FGF14: variants seen among roughly 807,000 people sequenced by gnomAD.
FGF14 encodes the protein fibroblast growth factor homologous factor 4.
Under a neutral mutation model 25.5 loss-of-function variants are expected in FGF14, and 5 were observed. That is an observed-to-expected ratio of 0.20 (90% CI 0.10 to 0.41). The LOEUF is 0.41. Among genes scored for constraint, FGF14 ranks in the 10% least tolerant of loss-of-function variants. The pLI is 1.00. For synonymous variants in FGF14, 138 were observed against 118.3 expected (o/e 1.17, Z -1.08); for missense variants, 222 against 320.1 (o/e 0.69, Z 2.34).
intron 1 of FGF14, among the ~76,000 whole-genome samples, chr13:101,995,552 G>A (rs948837945): frequency 9.2e-5 from 14 of 152,048 alleles, no homozygotes; most frequent in Admixed American, 8.5e-4. Flanking sequence ...TTACCAATTA[G>A]AGTAATATAA....
intron 1 of FGF14, among the ~76,000 whole-genome samples, chr13:101,924,163 G>A (rs2034199945): frequency 6.6e-6 from 1 of 152,082 alleles, no homozygotes; most frequent in African/African-American, 2.4e-5. Flanking sequence ...GAAAGTTTGA[G>A]AAAGGAAAGT....
At chr13:102,139,379 G>A (rs1474285446) in intron 1 of FGF14, among the ~76,000 whole-genome samples, 1 of 151,754 alleles carries the variant, frequency 6.6e-6, no homozygotes, top group African/African-American at 2.4e-5. Flanking sequence ...CAGCCTGGGT[G>A]GTAGAGTGAG....
chr13:102,263,097 T>G (rs1566876819), intron 1 of FGF14: 1 of 632,884 alleles, frequency 1.6e-6, no homozygotes, highest in African/African-American at 1.8e-5. Context: ...CACCTGACTT[T>G]ATTACCAGTT....
chr13:101,780,045 G>A (rs1236241150), intron 3 of FGF14, among the ~76,000 whole-genome samples: 1 of 152,104 alleles, frequency 6.6e-6, no homozygotes, highest in East Asian at 1.9e-4. Context: ...TTTTGATTCA[G>A]CTACTTCTTA....
chr13:102,146,957 C>T (rs1459993392), intron 1 of FGF14, among the ~76,000 whole-genome samples: 4 of 152,160 alleles, frequency 2.6e-5, no homozygotes, highest in Non-Finnish European at 4.4e-5. Flanking sequence ...TCCATTTTAG[C>T]TTCTGCCAGT....
rs903698436 is a variant in FGF14 at position 101,916,717 on chromosome 13, G to A, written c.-72C>T. On this transcript the variant is annotated 5_prime_UTR_variant, in exon 1 of 5. Coordinates refer to ENST00000376143, the MANE Select transcript of FGF14 (RefSeq NM_004115.4). Reference sequence around the variant, plus strand: ...CGAGCCGGGGGCACCGGAGGGGAAGGCGGCGGCGCAGACCGTGGCTCGCCC... The same window carrying A: ...CGAGCCGGGGGCACCGGAGGGGAAGACGGCGGCGCAGACCGTGGCTCGCCC... 54 of 1,353,612 alleles carry A rather than the reference G, an allele frequency of 4.0e-5. No homozygotes were observed. Among genetic ancestry groups the A allele is most frequent in the Non-Finnish European group, 5.2e-5 (53 of 1,020,732 alleles). The allele number at this position is 1,353,612 out of a possible 1,614,324, so 83.9% of individuals were successfully genotyped here.
At chr13:102,185,078 A>C (rs1231233324) in intron 1 of FGF14, among the ~76,000 whole-genome samples, 1 of 152,160 alleles carries the variant, frequency 6.6e-6, no homozygotes, top group African/African-American at 2.4e-5. Context: ...TTCTCAGGTA[A>C]ATTAAAAATT....
chr13:102,137,908 C>G (rs890247860), intron 1 of FGF14, among the ~76,000 whole-genome samples: 2 of 145,498 alleles, frequency 1.4e-5, no homozygotes, highest in East Asian at 4.7e-4. Flanking sequence ...GGGCCTCAGT[C>G]CAGGGTGATG....
chr13:102,138,112 T>C (rs1366368078), intron 1 of FGF14, among the ~76,000 whole-genome samples: 4 of 150,668 alleles, frequency 2.7e-5, no homozygotes, highest in Non-Finnish European at 4.4e-5. Flanking sequence ...ACTCATCCTT[T>C]TCATTGATTG....
chr13:102,308,164 G>A (rs1047469778), intron 1 of FGF14, among the ~76,000 whole-genome samples: 6 of 152,106 alleles, frequency 3.9e-5, no homozygotes, highest in African/African-American at 1.2e-4. Context: ...ATTTCCAGAC[G>A]TTGGATCAAG....
At chr13:101,943,712 G>A (rs373899078) in intron 1 of FGF14, among the ~76,000 whole-genome samples, 1 of 151,594 alleles carries the variant, frequency 6.6e-6, no homozygotes, top group Admixed American at 6.6e-5. Flanking sequence ...AGTGGCTCAC[G>A]CCTGTAATCC....
At chr13:101,854,286 G>T (rs191623599) in intron 3 of FGF14, among the ~76,000 whole-genome samples, 20 of 152,178 alleles carry the variant, frequency 1.3e-4, no homozygotes, top group Admixed American at 2.6e-4. Context: ...GTCTTCCTAA[G>T]ATTTCTAAGA....
At chr13:102,366,128 G>A (rs888961888) in intron 1 of FGF14, among the ~76,000 whole-genome samples, 8 of 152,068 alleles carry the variant, frequency 5.3e-5, no homozygotes, top group South Asian at 2.1e-4. Context: ...TTAAAACAGC[G>A]ATATTAAGAG....
chr13:102,052,192 G>T (rs1183445521), intron 1 of FGF14, among the ~76,000 whole-genome samples: 1 of 151,948 alleles, frequency 6.6e-6, no homozygotes, highest in Non-Finnish European at 1.5e-5. Context: ...CAGGTTATTT[G>T]AAAATATATA....
At chr13:101,947,725 T>C (rs2035903747) in intron 1 of FGF14, among the ~76,000 whole-genome samples, 1 of 152,152 alleles carries the variant, frequency 6.6e-6, no homozygotes. Context: ...AGCTACCTAC[T>C]GGGTACTCTT....
In FGF14 at chr13:102,280,049, TA is replaced by T. The variant is rs201712912; in HGVS notation, c.208+121421del. ...GGGAGGAAGTTGTATACATAGTAAA[TA>T]ATAATTACAAATATCATTTAAGTAT... On this transcript the variant is annotated intron_variant, in intron 1 of 4. Transcript: ENST00000376131. Among the ~76,000 whole-genome samples the T allele has an allele frequency of 3.6e-3, 546 of 152,340 alleles. 1 individual carries two copies. The highest frequency in any genetic ancestry group is 0.012 in the African/African-American group (513 of 41,580).
intron 1 of FGF14, among the ~76,000 whole-genome samples, chr13:102,360,309 T>C (rs1022732756): frequency 2.4e-4 from 36 of 152,246 alleles, no homozygotes; most frequent in African/African-American, 8.2e-4. Flanking sequence ...GTCTACATAT[T>C]TGAAAATTAG....
chr13:101,851,683 C>T (rs182575705), intron 3 of FGF14, among the ~76,000 whole-genome samples: 144 of 152,192 alleles, frequency 9.5e-4, no homozygotes, highest in Admixed American at 7.8e-3. Context: ...TCCTCCTCGT[C>T]GTCTTCATCA....
intron 1 of FGF14, among the ~76,000 whole-genome samples, chr13:101,913,589 T>C (rs1256228100): frequency 1.3e-5 from 2 of 152,172 alleles, no homozygotes; most frequent in African/African-American, 2.4e-5. Context: ...TTCAAGCATA[T>C]CACACTATAT....
Sources: allele counts gnomAD v4.1 joint callset (sites outside exome capture counted in the v4.1 genomes callset), GRCh38; gene constraint gnomAD v4.1.1; transcripts MANE v1.5; gene names NCBI Gene and HGNC (gene_info 2026-07-23, HGNC 2026-07-21).